The following ABCG1 variants were observed in gnomAD, a reference collection of about 807,000 sequenced individuals.
ABCG1 encodes the protein ATP binding cassette subfamily G member 1, also known as ATP-binding cassette sub-family G member 1.
ABCG1 carries 29 observed loss-of-function variants against 69.2 expected under a neutral mutation model. The ratio of observed to expected loss-of-function variants is 0.42; its 90% CI spans 0.31 to 0.57. The LOEUF (loss-of-function observed/expected upper bound fraction) is 0.57, where lower values mean the gene tolerates loss of function less well. Among genes scored for constraint, ABCG1 ranks in the 20% least tolerant of loss-of-function variants. The probability of loss-of-function intolerance (pLI) is 0.15; values close to 1 mark genes in which losing one functional copy is unlikely to be tolerated. For synonymous variants in ABCG1, 370 were observed against 374.8 expected (o/e 0.99, Z 0.15); for missense variants, 718 against 898.1 (o/e 0.80, Z 2.56).
chr21:42,212,986 C>A (rs1450847024), upstream of ABCG1, among the ~76,000 whole-genome samples: 7 of 152,212 alleles, frequency 4.6e-5, no homozygotes, highest in South Asian at 2.1e-4. Flanking sequence ...AGCCACCGCA[C>A]CTGGCCTAAA....
At chr21:42,265,832 T>A in intron 2 of ABCG1, among the ~76,000 whole-genome samples, 1 of 152,200 alleles carries the variant, frequency 6.6e-6, no homozygotes, top group Non-Finnish European at 1.5e-5. Flanking sequence ...GTCAGTGGTG[T>A]CCTGCCGGCC....
In ABCG1 at chr21:42,295,333, T is replaced by TAAAA. The variant is rs60677287; in HGVS notation, c.1772+714_1772+717dup. On this transcript the variant is annotated intron_variant, in intron 14 of 14. Transcript: ENST00000398449. Reference sequence around the variant, plus strand: ...GTGACAGAGTGAGACTCCGTCTCAATAAAAAAAAAAAAAAAAAAAAAAAAA... The same window carrying TAAAA: ...GTGACAGAGTGAGACTCCGTCTCAATAAAAAAAAAAAAAAAAAAAAAAAAAAAAA... 50 of 59,018 alleles carry TAAAA rather than the reference T, an allele frequency of 8.5e-4. 2 individuals carry two copies. Among genetic ancestry groups the TAAAA allele is most frequent in the Non-Finnish European group, 1.1e-3 (34 of 31,448 alleles). The allele number at this position is 59,018 out of a possible 1,614,324, so 3.7% of individuals were successfully genotyped here.
At chr21:42,214,585 C>T (rs192450391), upstream of ABCG1, among the ~76,000 whole-genome samples, 8 of 152,332 alleles carry the variant, frequency 5.3e-5, no homozygotes, top group East Asian at 1.9e-4. Context: ...TGTGTTGTCC[C>T]GGCCTGGGAT....
At position 42,271,158 on chromosome 21, in the gene ABCG1, C is replaced by T. The variant is rs2068610165; in HGVS notation, c.375C>T (p.Ser125=). The T allele has an allele frequency of 6.3e-7, 1 of 1,577,736 alleles. No individual in the cohort carries two copies. The highest frequency in any genetic ancestry group is 1.4e-5 in the African/African-American group (1 of 72,872). ...AIMGPSGAGK[S]TLMNILAGYR... ...TGGGTCCTTCCGGGGCCGGGAAGTC[C>T]ACGCTGATGAACATCCTGGCTGGAT... The change falls in exon 3 of 15, where the codon TCC becomes TCT. Residue 125 remains serine (S), a synonymous_variant. Coordinates refer to ENST00000398449, the MANE Select transcript of ABCG1 (RefSeq NM_016818.3).
chr21:42,246,595 G>A (rs2068137532), intron 2 of ABCG1, among the ~76,000 whole-genome samples: 1 of 152,172 alleles, frequency 6.6e-6, no homozygotes. Context: ...AATGGCGTAT[G>A]TGTATATATA....
rs1423972346 is a variant in ABCG1 at position 42,287,978 on chromosome 21, A to G, written c.1063A>G (p.Arg355Gly). Residue 355 changes from arginine to glycine, a missense_variant, in exon 9 of 15, where the codon AGA (arginine) becomes GGA (glycine). Around this residue, in one of 2 missense-constraint regions of ABCG1, gnomAD observed 514 missense variants for 574.3 expected, o/e 0.90. Transcript: ENST00000398449. This position sits in a 1 kb window ranked among gnomAD's most constrained non-coding sequence, Gnocchi z 6.2. ...GGGCATGTGTGACTCAGACCACAAG[A>G]GAGACCTCGGGGGTGATGCCGAGGT... The part of the protein sequence containing the change: ...REGMCDSDHK[R>G]DLGGDAEVNP... 1.2e-6 allele frequency: 2 copies of G among 1,613,846 alleles called. No homozygotes were observed.
At chr21:42,241,872 G>C (rs2068056903) in intron 2 of ABCG1, among the ~76,000 whole-genome samples, 1 of 150,410 alleles carries the variant, frequency 6.6e-6, no homozygotes, top group South Asian at 2.1e-4. Flanking sequence ...CAGTTACTTG[G>C]GAGGCTGAGG....
At chr21:42,208,040 C>T (rs190125771) in intron 2 of ABCG1, among the ~76,000 whole-genome samples, 3 of 152,272 alleles carry the variant, frequency 2.0e-5, no homozygotes, top group Non-Finnish European at 2.9e-5. Context: ...TGCCTAATTA[C>T]AGCCTGAGGA....
At chr21:42,236,744 ATGG>A (rs376465464) in intron 2 of ABCG1, among the ~76,000 whole-genome samples, 1 of 152,328 alleles carries the variant, frequency 6.6e-6, no homozygotes, top group African/African-American at 2.4e-5. Flanking sequence ...GAAACCAGAG[ATGG>A]TGGTGGATGA....
At chr21:42,269,198 A>G (rs2068571032) in intron 2 of ABCG1, among the ~76,000 whole-genome samples, 1 of 152,156 alleles carries the variant, frequency 6.6e-6, no homozygotes, top group South Asian at 2.1e-4. Flanking sequence ...CTGAATAGAC[A>G]AGAGATGGTA....
chr21:42,247,466 G>A (rs1331154542), intron 2 of ABCG1, among the ~76,000 whole-genome samples: 1 of 152,208 alleles, frequency 6.6e-6, no homozygotes, highest in Non-Finnish European at 1.5e-5. Flanking sequence ...GGAGAACTGA[G>A]CAGGTGTGGT....
Position 42,294,513 on chromosome 21 carries a change from ACATCTGTCCTGTGTGCCCCCAACTC to A in ABCG1, c.1654-26_1654-2del. ...AGGAGGCCAGGCTGCAGGTTCTGCT[ACATCTGTCCTGTGTGCCCCCAACTC>A]CAGGTGGCCACTTTCGTGGGCCCAG... On this transcript the variant is annotated splice_region_variant and splice_polypyrimidine_tract_variant and intron_variant, in intron 13 of 14. Coordinates refer to ENST00000398449, the MANE Select transcript of ABCG1 (RefSeq NM_016818.3). 1.3e-6 allele frequency: 2 copies of A among 1,574,256 alleles called. No homozygotes were observed. The highest frequency in any genetic ancestry group is 1.7e-6 in the Non-Finnish European group (2 of 1,143,888).
chr21:42,286,562 C>T (rs1402474506), intron 8 of ABCG1, among the ~76,000 whole-genome samples: 1 of 152,154 alleles, frequency 6.6e-6, no homozygotes, highest in East Asian at 1.9e-4. Context: ...GCGAGGGTTG[C>T]AGGGAGTGTG....
At chr21:42,200,595 A>ATTTTTTT (rs1264302556) in intron 1 of ABCG1, among the ~76,000 whole-genome samples, 1 of 119,228 alleles carries the variant, frequency 8.4e-6, no homozygotes, top group African/African-American at 3.4e-5. Flanking sequence ...TTTATGTTGC[A>ATTTTTTT]CTTTTTTTTT....
intron 2 of ABCG1, among the ~76,000 whole-genome samples, chr21:42,252,855 C>T: frequency 6.6e-6 from 1 of 152,078 alleles, no homozygotes; most frequent in East Asian, 1.9e-4. Flanking sequence ...AGAGGGAAGC[C>T]CTCCTCCCTG....
intron 1 of ABCG1, among the ~76,000 whole-genome samples, chr21:42,201,025 C>A (rs2067502543): frequency 6.6e-6 from 1 of 152,060 alleles, no homozygotes; most frequent in South Asian, 2.1e-4. Flanking sequence ...CACCTATCAA[C>A]CAACCACCTA....
chr21:42,201,095 G>A (rs758409504), intron 1 of ABCG1, among the ~76,000 whole-genome samples: 16 of 151,554 alleles, frequency 1.1e-4, no homozygotes, highest in Admixed American at 6.6e-5. Context: ...TATAAAGCCT[G>A]CCACCAGATG....
chr21:42,225,017 G>GAACACA (rs2067792828), intron 1 of ABCG1, among the ~76,000 whole-genome samples: 6 of 151,824 alleles, frequency 4.0e-5, no homozygotes, highest in Admixed American at 6.6e-5. Context: ...CTGGAACACG[G>GAACACA]TCCTTAAATT....
At chr21:42,290,949 A>C in intron 11 of ABCG1, 143 bp from the exon 12 acceptor site, 1 of 628,818 alleles carries the variant, frequency 1.6e-6, no homozygotes. Flanking sequence ...CTAGCAAAAC[A>C]CATCCTCTGT....
Sources: allele counts gnomAD v4.1 joint callset (sites outside exome capture counted in the v4.1 genomes callset), GRCh38; gene constraint gnomAD v4.1.1; regional missense constraint gnomAD v4.1.1; non-coding constraint Gnocchi (gnomAD v3.1); transcripts MANE v1.5; gene names NCBI Gene and HGNC (gene_info 2026-07-23, HGNC 2026-07-21).